The following TMEM229B variants were observed in gnomAD, a reference collection of about 807,000 sequenced individuals.
TMEM229B encodes chromosome 14 open reading frame 83.
TMEM229B carries 6 observed loss-of-function variants against 13.7 expected under a neutral mutation model. That is an observed-to-expected ratio of 0.44 (90% CI 0.24 to 0.86). The LOEUF is 0.86. TMEM229B is among the 40% of genes least tolerant of loss of function. The pLI, the probability that TMEM229B is intolerant of heterozygous loss-of-function variation, is 0.23. For synonymous variants in TMEM229B, 107 were observed against 102.1 expected (o/e 1.05, Z -0.29); for missense variants, 170 against 236.0 (o/e 0.72, Z 1.83).
rs544869065 is a variant in TMEM229B, at chr14:67,522,392, C to T, written c.-192+11244G>A. On this transcript the variant is annotated intron_variant, in intron 1 of 2. Coordinates refer to the TMEM229B transcript ENST00000554278. ...ACCTCTCCTCTGTGCTTCCCTTTGCCAGGATACAAGAAGCTTAGTCGTCTG... is the reference window on the plus strand; with the variant it reads ...ACCTCTCCTCTGTGCTTCCCTTTGCTAGGATACAAGAAGCTTAGTCGTCTG... 2.6e-5 allele frequency among the ~76,000 whole-genome samples: 4 copies of T among 152,290 alleles called. No individual in the cohort carries two copies. In the South Asian group the frequency reaches 8.3e-4, roughly 32 times the overall value.
At chr14:67,501,500 G>A (rs1006258675) in intron 1 of TMEM229B, among the ~76,000 whole-genome samples, 1 of 152,130 alleles carries the variant, frequency 6.6e-6, no homozygotes, top group African/African-American at 2.4e-5. Flanking sequence ...AAAGTGCTGG[G>A]ATTACAGGCA....
intron 1 of TMEM229B, among the ~76,000 whole-genome samples, chr14:67,529,779 A>G (rs1442040001): frequency 6.6e-6 from 1 of 152,186 alleles, no homozygotes; most frequent in Non-Finnish European, 1.5e-5. Flanking sequence ...TCAGCAGTAG[A>G]AGTAACCTCC....
intron 1 of TMEM229B, among the ~76,000 whole-genome samples, chr14:67,509,164 G>A (rs1026651065): frequency 1.3e-5 from 2 of 152,110 alleles, no homozygotes; most frequent in South Asian, 2.1e-4. Context: ...AGCAGAAAGC[G>A]TGTTCCCTTT....
At chr14:67,508,135 C>CAAAAAAAAAAAAAAAAAAAAAAAAAAAA (rs34715322) in intron 1 of TMEM229B, among the ~76,000 whole-genome samples, 1 of 130,632 alleles carries the variant, frequency 7.7e-6, no homozygotes, top group African/African-American at 3.0e-5. Flanking sequence ...AACTCCATCT[C>CAAAAAAAAAAAAAAAAAAAAAAAAAAAA]AAAAAAAAAA....
chr14:67,497,777 C>T (rs1377916482), intron 1 of TMEM229B, among the ~76,000 whole-genome samples: 1 of 151,910 alleles, frequency 6.6e-6, no homozygotes. Flanking sequence ...TCAACCCCAG[C>T]AGCACCTCTC....
At chr14:67,521,949 G>T (rs899428850) in intron 1 of TMEM229B, among the ~76,000 whole-genome samples, 3 of 152,140 alleles carry the variant, frequency 2.0e-5, no homozygotes, top group African/African-American at 7.2e-5. Flanking sequence ...GGCTGAGGCG[G>T]GTGGATCACG....
intron 1 of TMEM229B, among the ~76,000 whole-genome samples, chr14:67,507,407 C>A (rs1461401814): frequency 6.6e-6 from 1 of 152,018 alleles, no homozygotes; most frequent in Non-Finnish European, 1.5e-5. Flanking sequence ...GTTCTGGAGA[C>A]CCAAGTGGCA....
chr14:67,503,428 T>C (rs914725737), intron 1 of TMEM229B: 1 of 152,298 alleles, frequency 6.6e-6, no homozygotes, highest in South Asian at 2.1e-4. Context: ...GAGATACGTT[T>C]GGAAAAGCGT....
intron 1 of TMEM229B, among the ~76,000 whole-genome samples, chr14:67,512,009 A>G (rs1400141442): frequency 6.6e-6 from 1 of 152,234 alleles, no homozygotes; most frequent in African/African-American, 2.4e-5. Context: ...TGAGGCAAAT[A>G]TACGTCTTGA....
At chr14:67,497,436 G>A (rs1474884194) in intron 1 of TMEM229B, among the ~76,000 whole-genome samples, 1 of 152,096 alleles carries the variant, frequency 6.6e-6, no homozygotes, top group East Asian at 1.9e-4. Flanking sequence ...AAGAACTGAC[G>A]GGCAGCTCCG....
At chr14:67,514,909 A>G (rs371862820) in intron 1 of TMEM229B, among the ~76,000 whole-genome samples, 1 of 152,218 alleles carries the variant, frequency 6.6e-6, no homozygotes, top group East Asian at 1.9e-4. Flanking sequence ...CCGGGGCAGC[A>G]GCCTCGAAAC....
At chr14:67,521,850 G>A (rs1057078045) in intron 1 of TMEM229B, among the ~76,000 whole-genome samples, 10 of 152,274 alleles carry the variant, frequency 6.6e-5, no homozygotes, top group East Asian at 1.9e-4. Flanking sequence ...AACTGTGATC[G>A]TAAGTCTTTT....
chr14:67,520,968 A>G (rs2033283064), intron 1 of TMEM229B, among the ~76,000 whole-genome samples: 1 of 152,228 alleles, frequency 6.6e-6, no homozygotes, highest in Non-Finnish European at 1.5e-5. Context: ...TCACATCCTC[A>G]TCTTGTCAGT....
intron 1 of TMEM229B, among the ~76,000 whole-genome samples, chr14:67,502,583 G>C (rs189786499): frequency 3.3e-5 from 5 of 150,882 alleles, no homozygotes; most frequent in Admixed American, 2.7e-4. Context: ...CTCCTGAGTA[G>C]CTGGGATTAC....
At chr14:67,479,734 A>T (rs1046716869) in intron 2 of TMEM229B, among the ~76,000 whole-genome samples, 1 of 152,222 alleles carries the variant, frequency 6.6e-6, no homozygotes, top group Non-Finnish European at 1.5e-5. Flanking sequence ...GGAAAAAAAA[A>T]TGCTTGTGGA....
upstream of TMEM229B, among the ~76,000 whole-genome samples, chr14:67,491,320 T>C (rs184368813): frequency 1.4e-3 from 210 of 152,304 alleles, no homozygotes; most frequent in African/African-American, 4.4e-3. Flanking sequence ...CAAGAGTTTT[T>C]ATGTAGCTTG....
At chr14:67,479,347 G>A (rs1345134114) in intron 2 of TMEM229B, among the ~76,000 whole-genome samples, 6 of 150,782 alleles carry the variant, frequency 4.0e-5, no homozygotes, top group Non-Finnish European at 5.9e-5. Context: ...AGGAGGTGGA[G>A]GTAGCAGTGA....
Position 67,473,972 on chromosome 14 carries a change from G to C in TMEM229B, c.-18-31C>G. 1 of 1,539,892 alleles carries C rather than the reference G, an allele frequency of 6.5e-7. No individual in the cohort carries two copies. The highest frequency in any genetic ancestry group is 8.7e-7 in the Non-Finnish European group (1 of 1,144,916). On this transcript the variant is annotated intron_variant, in intron 2 of 2. Transcript: ENST00000554480. This position sits in a 1 kb window ranked among gnomAD's most constrained non-coding sequence, Gnocchi z 6.5. ...GGGGGCGCAAGAGAGACAGGTGAGGGCCGGGCGCGGTGGCTCACGCCTATA... is the reference window on the plus strand; with the variant it reads ...GGGGGCGCAAGAGAGACAGGTGAGGCCCGGGCGCGGTGGCTCACGCCTATA...
chr14:67,512,140 T>A (rs2033047685), intron 1 of TMEM229B, among the ~76,000 whole-genome samples: 2 of 152,168 alleles, frequency 1.3e-5, no homozygotes, highest in African/African-American at 2.4e-5. Flanking sequence ...TGCTCTTAAA[T>A]CCCAGGAAAG....
Sources: gnomAD v4.1 joint callset for allele counts (sites outside exome capture counted in the v4.1 genomes callset) on GRCh38, gnomAD v4.1.1 for gene constraint, Gnocchi (gnomAD v3.1) non-coding constraint, MANE v1.5 for transcripts, NCBI Gene and HGNC (gene_info 2026-07-23, HGNC 2026-07-21) for gene names.